The following CACNA1B variants were observed in gnomAD, a reference collection of about 807,000 sequenced individuals.
CACNA1B encodes the protein voltage-dependent N-type calcium channel subunit alpha-1B.
Under a neutral mutation model 247.2 loss-of-function variants are expected in CACNA1B, and 70 were observed. That is an observed-to-expected ratio of 0.28 (90% CI 0.23 to 0.35). The LOEUF is 0.35. CACNA1B is among the 10% of genes least tolerant of loss of function. CACNA1B has a pLI of 1.00. For missense variants in CACNA1B, 2,367 were observed against 3,197.4 expected, an observed-to-expected ratio of 0.74 and a Z score of 6.26; for synonymous variants, 1,231 against 1,294.4, an observed-to-expected ratio of 0.95 and a Z score of 1.05.
In CACNA1B at chr9:138,057,664, C is replaced by T; in HGVS notation, c.3969-68C>T. 1 of 1,501,224 alleles carries T rather than the reference C, an allele frequency of 6.7e-7. No homozygotes were observed. The highest frequency in any genetic ancestry group is 1.7e-4 in the Middle Eastern group (1 of 5,766). The allele number at this position is 1,501,224 out of a possible 1,614,324, so 93.0% of individuals were successfully genotyped here. The stretch of plus-strand genomic sequence containing the variant: ...CTTTCCCCACGGAATGGTTTCAACA[C>T]TCTTGATAGGTGGGTTTATTTGGAT... On this transcript the variant is annotated intron_variant, in intron 26 of 46. Coordinates refer to ENST00000371372, the MANE Select transcript of CACNA1B (RefSeq NM_000718.4). This position sits in a 1 kb window ranked among gnomAD's most constrained non-coding sequence, Gnocchi z 4.0.
intron 32 of CACNA1B, among the ~76,000 whole-genome samples, chr9:138,070,444 G>A (rs1490114410): frequency 1.3e-5 from 2 of 152,224 alleles, no homozygotes; most frequent in South Asian, 2.1e-4. Flanking sequence ...GTATGTGCTC[G>A]GTCAGCAAGC....
rs142331334 is a variant in CACNA1B at position 138,052,846 on chromosome 9, T to G, written c.3807+658T>G. Among the ~76,000 whole-genome samples, 1 of 152,184 alleles carries G rather than the reference T, an allele frequency of 6.6e-6. No individual in the cohort carries two copies. Among genetic ancestry groups the G allele is most frequent in the South Asian group, 2.1e-4 (1 of 4,826 alleles). On this transcript the variant is annotated intron_variant, in intron 25 of 46. Coordinates refer to ENST00000371372, the MANE Select transcript of CACNA1B (RefSeq NM_000718.4). The surrounding 1 kb of genome is among the most constrained non-coding windows in gnomAD (Gnocchi z 5.1). ...GTCCAGGGAGGAGTGGCACCTGCCC[T>G]GGCACCGAGTGGCGCTGTGCAGTGG...
intron 18 of CACNA1B, 103 bp from the exon 19 acceptor site, chr9:138,022,908 C>A: frequency 1.5e-6 from 2 of 1,355,118 alleles, no homozygotes; most frequent in Non-Finnish European, 1.9e-6. Context: ...CGCCTCCCAC[C>A]TCCCTGCGCC....
intron 13 of CACNA1B, among the ~76,000 whole-genome samples, chr9:137,984,708 C>G (rs1051104410): frequency 7.9e-5 from 12 of 152,234 alleles, no homozygotes; most frequent in African/African-American, 2.7e-4. Context: ...ACTGAGCCAG[C>G]CTGGCACCTG....
At chr9:138,039,611 T>C (rs1959092104) in intron 20 of CACNA1B, among the ~76,000 whole-genome samples, 1 of 152,180 alleles carries the variant, frequency 6.6e-6, no homozygotes, top group Non-Finnish European at 1.5e-5. Context: ...AAAATTTTAA[T>C]TTTAATTAAT....
intron 44 of CACNA1B, 75 bp downstream of exon 44, chr9:138,118,843 C>G: frequency 4.3e-6 from 3 of 694,950 alleles, no homozygotes; most frequent in Non-Finnish European, 7.5e-6. Context: ...GGCTCTGGGC[C>G]TCCTGCAGGT....
chr9:137,959,707 C>A (rs1050844746), intron 10 of CACNA1B, among the ~76,000 whole-genome samples: 3 of 152,158 alleles, frequency 2.0e-5, no homozygotes, highest in African/African-American at 7.2e-5. Flanking sequence ...ATTCTCTTAA[C>A]CTCGCCTGTG....
chr9:137,976,606 G>A (rs1958225394), intron 12 of CACNA1B, among the ~76,000 whole-genome samples: 1 of 151,610 alleles, frequency 6.6e-6, no homozygotes, highest in Non-Finnish European at 1.5e-5. Context: ...ACCAACTTAT[G>A]TAGGTGGGGA....
chr9:138,108,942 G>A (rs1338535783), intron 39 of CACNA1B, among the ~76,000 whole-genome samples: 1 of 152,208 alleles, frequency 6.6e-6, no homozygotes, highest in African/African-American at 2.4e-5. Flanking sequence ...GTGAGCCACT[G>A]CACCCGGCCA....
chr9:138,026,848 C>A (rs916058850), intron 20 of CACNA1B, among the ~76,000 whole-genome samples: 2 of 152,194 alleles, frequency 1.3e-5, no homozygotes, highest in Non-Finnish European at 2.9e-5. Context: ...AACTGACAAA[C>A]TATCTTCCAA....
At chr9:138,023,951 G>T in intron 19 of CACNA1B, 140 bp downstream of exon 19, 1 of 599,070 alleles carries the variant, frequency 1.7e-6, no homozygotes. Context: ...GTCGGGGCTG[G>T]GGTCTCTGCA....
chr9:137,915,552 G>A (rs751961126), intron 5 of CACNA1B, among the ~76,000 whole-genome samples: 5 of 152,048 alleles, frequency 3.3e-5, no homozygotes, highest in African/African-American at 7.2e-5. Context: ...AAACCCAGCC[G>A]GCGGTGGCTC....
chr9:137,949,243 G>C (rs1402933109), intron 6 of CACNA1B, among the ~76,000 whole-genome samples: 4 of 101,254 alleles, frequency 4.0e-5, no homozygotes, highest in Admixed American at 1.1e-4. Flanking sequence ...GTGTATGCAT[G>C]TGTGTGGTGT....
Position 138,057,233 on chromosome 9 carries a change from G to A in CACNA1B, c.3969-499G>A, listed in dbSNP as rs1411536989. 3.9e-5 allele frequency among the ~76,000 whole-genome samples: 6 copies of A among 152,214 alleles called. No homozygotes were observed. Among genetic ancestry groups the A allele is most frequent in the African/African-American group, 9.6e-5 (4 of 41,526 alleles). Reference sequence around the variant, plus strand: ...ATTACAGGCGTGAGCCACCGCGCCCGGCCTTTTTTATTTATTAGAATAGTT... The same window carrying A: ...ATTACAGGCGTGAGCCACCGCGCCCAGCCTTTTTTATTTATTAGAATAGTT... On this transcript the variant is annotated intron_variant, in intron 26 of 46. Coordinates refer to ENST00000371372, the MANE Select transcript of CACNA1B (RefSeq NM_000718.4). This position sits in a 1 kb window ranked among gnomAD's most constrained non-coding sequence, Gnocchi z 4.0.
chr9:137,991,575 C>T (rs966665679), intron 15 of CACNA1B, among the ~76,000 whole-genome samples: 6 of 152,202 alleles, frequency 3.9e-5, no homozygotes, highest in Non-Finnish European at 8.8e-5. Flanking sequence ...AAAAAACACA[C>T]TTGGGAAATT....
At chr9:137,994,122 G>C (rs1958468125) in intron 15 of CACNA1B, among the ~76,000 whole-genome samples, 1 of 152,170 alleles carries the variant, frequency 6.6e-6, no homozygotes, top group Non-Finnish European at 1.5e-5. Context: ...AATAGATGCA[G>C]AAAAAGCATT....
chr9:138,025,984 G>T (rs1958916211), intron 20 of CACNA1B, among the ~76,000 whole-genome samples: 1 of 152,190 alleles, frequency 6.6e-6, no homozygotes, highest in Admixed American at 6.5e-5. Flanking sequence ...CAGACCAGAC[G>T]GACTCAATCA....
At position 137,889,312 on chromosome 9, in the gene CACNA1B, G is replaced by A. The variant is rs371851853; in HGVS notation, c.530+6429G>A. On this transcript the variant is annotated intron_variant, in intron 3 of 46. Transcript: ENST00000371372. Reference sequence around the variant, plus strand: ...GCACCCCGACCTCCAGTGCCGGGTCGGGCTGGGGTTTGCCAGACATTCTCT... The same window carrying A: ...GCACCCCGACCTCCAGTGCCGGGTCAGGCTGGGGTTTGCCAGACATTCTCT... Among the ~76,000 whole-genome samples, 8 of 150,144 alleles carry A rather than the reference G, an allele frequency of 5.3e-5. 1 individual carries two copies. The highest frequency in any genetic ancestry group is 2.1e-4 in the South Asian group (1 of 4,760).
intron 10 of CACNA1B, among the ~76,000 whole-genome samples, chr9:137,965,667 C>T (rs539465765): frequency 2.0e-5 from 3 of 152,232 alleles, no homozygotes; most frequent in East Asian, 1.9e-4. Flanking sequence ...GGCATGATCT[C>T]GGCTCATTGC....
Sources: allele counts gnomAD v4.1 joint callset (sites outside exome capture counted in the v4.1 genomes callset), GRCh38; gene constraint gnomAD v4.1.1; non-coding constraint Gnocchi (gnomAD v3.1); transcripts MANE v1.5; gene names NCBI Gene and HGNC (gene_info 2026-07-23, HGNC 2026-07-21).